The following ZNF804B variants were observed in gnomAD, a reference collection of about 807,000 sequenced individuals.
ZNF804B encodes zinc finger 804B.
Under a neutral mutation model 101.4 loss-of-function variants are expected in ZNF804B, and 80 were observed. The observed-to-expected ratio is 0.79, with a 90% CI of 0.66 to 0.95. The LOEUF (loss-of-function observed/expected upper bound fraction) is 0.95, where lower values mean the gene tolerates loss of function less well. Ranked by LOEUF, ZNF804B falls within the 40% of genes least tolerant of loss-of-function variation. The pLI is 0.00. For synonymous variants in ZNF804B, 622 were observed against 558.8 expected (o/e 1.11, Z -1.59); for missense variants, 1,673 against 1,561.9 (o/e 1.07, Z -1.20).
intron 1 of ZNF804B, among the ~76,000 whole-genome samples, chr7:89,163,458 G>A (rs1035134269): frequency 2.6e-5 from 4 of 151,962 alleles, no homozygotes; most frequent in Non-Finnish European, 5.9e-5. Context: ...TTTGCCTTCA[G>A]AACAGATAAA....
chr7:88,886,155 G>T (rs756743232), intron 1 of ZNF804B, among the ~76,000 whole-genome samples: 1 of 152,068 alleles, frequency 6.6e-6, no homozygotes, highest in Non-Finnish European at 1.5e-5. Context: ...AAATAAAGGA[G>T]CAGTTGTACA....
chr7:89,096,800 C>A (rs1243917601), intron 1 of ZNF804B, among the ~76,000 whole-genome samples: 1 of 152,008 alleles, frequency 6.6e-6, no homozygotes. Flanking sequence ...ATTTTTATTG[C>A]AAGTGGCCAA....
At position 89,327,388 on chromosome 7, in the gene ZNF804B, T is replaced by A; in HGVS notation, c.294T>A (p.Ala98=). The stretch of plus-strand genomic sequence containing the variant: ...AACGGGAATTTGCTCGAAATGTAGC[T>A]TCTAAGTCATGGAAAGATGAGAAAA... ...LKQREFARNV[A]SKSWKDEKKQ... is the part of the protein sequence containing the mutation. The change falls in exon 3 of 4, where the codon GCT becomes GCA. Residue 98 remains alanine (A), a synonymous_variant. Transcript: ENST00000333190. The A allele has an allele frequency of 6.2e-7, 1 of 1,610,818 alleles. No homozygotes were observed. Among genetic ancestry groups the A allele is most frequent in the Non-Finnish European group, 8.5e-7 (1 of 1,178,350 alleles).
At chr7:89,014,877 G>A (rs930106377) in intron 1 of ZNF804B, among the ~76,000 whole-genome samples, 5 of 152,068 alleles carry the variant, frequency 3.3e-5, no homozygotes, top group Admixed American at 6.6e-5. Flanking sequence ...ACTTGTTTTT[G>A]TTTTTATCAC....
rs1258226096 is a variant in ZNF804B, at chr7:89,030,549, A to T, written c.109-187606A>T. The stretch of plus-strand genomic sequence containing the variant: ...TCCATTCTGCTGTTATGTGTTGCCT[A>T]CATCTCCCTCACTCATCAGTCTTGA... On this transcript the variant is annotated intron_variant, in intron 1 of 3. Coordinates refer to ENST00000333190, the MANE Select transcript of ZNF804B (RefSeq NM_181646.5). Among the ~76,000 whole-genome samples the T allele has an allele frequency of 3.9e-5, 6 of 152,154 alleles. No homozygotes were observed. In the East Asian group the frequency reaches 1.2e-3, roughly 29 times the overall value.
chr7:89,165,054 C>T (rs1791120772), intron 1 of ZNF804B, among the ~76,000 whole-genome samples: 1 of 152,100 alleles, frequency 6.6e-6, no homozygotes, highest in African/African-American at 2.4e-5. Flanking sequence ...TACCCATTAT[C>T]ACAAGGCTGT....
At chr7:88,986,631 C>T (rs1793763475) in intron 1 of ZNF804B, among the ~76,000 whole-genome samples, 1 of 152,096 alleles carries the variant, frequency 6.6e-6, no homozygotes, top group South Asian at 2.1e-4. Context: ...TCGTGCAATG[C>T]TGTCCTTTGT....
intron 1 of ZNF804B, among the ~76,000 whole-genome samples, chr7:89,161,288 C>T (rs1232047037): frequency 6.6e-6 from 1 of 151,844 alleles, no homozygotes; most frequent in Non-Finnish European, 1.5e-5. Flanking sequence ...TTACACTCTT[C>T]TTGAACTTAT....
intron 1 of ZNF804B, among the ~76,000 whole-genome samples, chr7:89,208,230 A>T (rs796707626): frequency 5.9e-5 from 9 of 151,956 alleles, no homozygotes; most frequent in African/African-American, 2.2e-4. Context: ...TACAGGTGCC[A>T]GCCACCACGC....
intron 1 of ZNF804B, among the ~76,000 whole-genome samples, chr7:88,937,384 T>C (rs896246906): frequency 6.6e-6 from 1 of 152,096 alleles, no homozygotes; most frequent in African/African-American, 2.4e-5. Context: ...CCTAAGCTTA[T>C]TCTTTGCTCT....
At chr7:88,803,450 G>A (rs1029253930) in intron 1 of ZNF804B, among the ~76,000 whole-genome samples, 1 of 152,136 alleles carries the variant, frequency 6.6e-6, no homozygotes, top group African/African-American at 2.4e-5. Flanking sequence ...AGTAAAAGGT[G>A]AGTCTTTAAA....
In ZNF804B at chr7:88,787,596, G is replaced by T. The variant is rs1229756601; in HGVS notation, c.108+27512G>T. ...ATGAAGTGTTTAAACGTTCTTCAAA[G>T]ATGTCACCATATGATGGGAACTTTA... On this transcript the variant is annotated intron_variant, in intron 1 of 3. Transcript: ENST00000333190. 3.3e-5 allele frequency among the ~76,000 whole-genome samples: 5 copies of T among 152,256 alleles called. No homozygotes were observed. In the South Asian group the frequency reaches 1.0e-3, roughly 32 times the overall value.
chr7:89,119,706 A>G (rs1583997650), intron 1 of ZNF804B, among the ~76,000 whole-genome samples: 1 of 152,232 alleles, frequency 6.6e-6, no homozygotes. Context: ...AACATAAAAC[A>G]TAGCACCTGG....
chr7:89,295,553 A>G (rs964733718), intron 2 of ZNF804B, among the ~76,000 whole-genome samples: 1 of 151,804 alleles, frequency 6.6e-6, no homozygotes, highest in Middle Eastern at 3.4e-3. Flanking sequence ...TGCTAATGGT[A>G]CTCTTTTGTG....
intron 1 of ZNF804B, among the ~76,000 whole-genome samples, chr7:89,120,895 C>T (rs1236233557): frequency 7.2e-5 from 11 of 152,062 alleles, no homozygotes; most frequent in Non-Finnish European, 2.9e-5. Flanking sequence ...TGTTAATGAC[C>T]AACATGCTGA....
chr7:88,794,291 A>C lies in ZNF804B; in HGVS notation c.108+34207A>C, dbSNP rs1320956224. 1.9e-6 allele frequency: 3 copies of C among 1,613,830 alleles called. No individual in the cohort carries two copies. The African/African-American group carries it at 4.0e-5, about 22-fold the overall frequency. ...GGGTCCATGAATTCTTCGGATTTGC[A>C]CAAGTACTTTATGATTTGTTCTGGG... is the stretch of plus-strand genomic sequence containing the variant. On this transcript the variant is annotated intron_variant, in intron 1 of 3. Transcript: ENST00000333190.
chr7:88,974,823 T>C (rs777163327), intron 1 of ZNF804B, among the ~76,000 whole-genome samples: 1 of 151,416 alleles, frequency 6.6e-6, no homozygotes, highest in Non-Finnish European at 1.5e-5. Context: ...TTACAAAATG[T>C]ATAATAAATT....
chr7:89,288,752 A>T (rs907042398), intron 2 of ZNF804B, among the ~76,000 whole-genome samples: 1 of 152,228 alleles, frequency 6.6e-6, no homozygotes, highest in African/African-American at 2.4e-5. Context: ...ACTAAAGGGA[A>T]TGATTCAGGA....
At chr7:88,773,892 G>A (rs1364084857) in intron 1 of ZNF804B, among the ~76,000 whole-genome samples, 1 of 151,996 alleles carries the variant, frequency 6.6e-6, no homozygotes, top group Non-Finnish European at 1.5e-5. Flanking sequence ...TGAGGGATCC[G>A]CCCCAGTGAT....
Sources: allele counts gnomAD v4.1 joint callset (sites outside exome capture counted in the v4.1 genomes callset), GRCh38; gene constraint gnomAD v4.1.1; transcripts MANE v1.5; gene names NCBI Gene and HGNC (gene_info 2026-07-23, HGNC 2026-07-21).